Variants in MPPED2 observed in about 807,000 individuals in gnomAD.
MPPED2 encodes the protein metallophosphoesterase MPPED2.
A neutral mutation model predicts 33.0 loss-of-function variants in MPPED2; 5 were observed. The ratio of observed to expected loss-of-function variants is 0.15; its 90% CI spans 0.08 to 0.32. The LOEUF (loss-of-function observed/expected upper bound fraction) is 0.32. MPPED2 is among the 10% of genes least tolerant of loss of function. MPPED2 has a pLI of 1.00. For missense variants in MPPED2, 275 were observed against 372.1 expected, an observed-to-expected ratio of 0.74 and a Z score of 2.15; for synonymous variants, 136 against 141.9, an observed-to-expected ratio of 0.96 and a Z score of 0.29.
At chr11:30,578,110 G>C (rs1332875586) in intron 2 of MPPED2, among the ~76,000 whole-genome samples, 1 of 152,150 alleles carries the variant, frequency 6.6e-6, no homozygotes, top group African/African-American at 2.4e-5. Context: ...TGATCATTTT[G>C]GATTGGAAAC....
chr11:30,384,180 G>A (rs1458967673), downstream of MPPED2, among the ~76,000 whole-genome samples: 2 of 152,086 alleles, frequency 1.3e-5, no homozygotes, highest in African/African-American at 2.4e-5. Flanking sequence ...CCAATACACA[G>A]AGACATGTAA....
rs116146098 is a variant in MPPED2, at chr11:30,444,122, G to T, written c.537-26489C>A. On this transcript the variant is annotated intron_variant, in intron 4 of 6. Coordinates refer to ENST00000358117, the MANE Select transcript of MPPED2 (RefSeq NM_001584.3). Reference sequence around the variant, plus strand: ...GTCGATAAGCAAATGGCTATTCACTGGAAAAGCAAAAAAGAAGCCAAATGG... The same window carrying T: ...GTCGATAAGCAAATGGCTATTCACTTGAAAAGCAAAAAAGAAGCCAAATGG... Among the ~76,000 whole-genome samples the T allele has an allele frequency of 8.9e-3, 1,348 of 152,246 alleles. 35 individuals carry two copies. Among genetic ancestry groups the T allele is most frequent in the African/African-American group, 0.029 (1,184 of 41,542 alleles).
At chr11:30,582,462 G>A (rs547953940) in intron 1 of MPPED2, among the ~76,000 whole-genome samples, 10 of 152,266 alleles carry the variant, frequency 6.6e-5, no homozygotes, top group African/African-American at 2.2e-4. Context: ...TGAACATTAA[G>A]AAGCAAAGGA....
intron 4 of MPPED2, among the ~76,000 whole-genome samples, chr11:30,438,338 T>A (rs1949414258): frequency 6.6e-6 from 1 of 152,226 alleles, no homozygotes; most frequent in Non-Finnish European, 1.5e-5. Context: ...AGTTAATCCC[T>A]GCCACAGTCC....
intron 2 of MPPED2, among the ~76,000 whole-genome samples, chr11:30,551,487 G>A (rs1955711256): frequency 6.6e-6 from 1 of 152,132 alleles, no homozygotes; most frequent in Admixed American, 6.5e-5. Flanking sequence ...GTTTTCTCCT[G>A]ATTTCAAATA....
chr11:30,397,136 T>C (rs1298135016), intron 6 of MPPED2, among the ~76,000 whole-genome samples: 1 of 152,180 alleles, frequency 6.6e-6, no homozygotes, highest in Non-Finnish European at 1.5e-5. Context: ...TTATTTACTG[T>C]GAAATAAACT....
intron 4 of MPPED2, among the ~76,000 whole-genome samples, chr11:30,485,437 AACATTTACACATGTTACACAT>A: frequency 6.6e-6 from 1 of 152,352 alleles, no homozygotes; most frequent in African/African-American, 2.4e-5. Flanking sequence ...TAACATGTGT[AACATTTACACATGTTACACAT>A]AACATGTGTA....
At chr11:30,551,379 C>G (rs1955704563) in intron 2 of MPPED2, among the ~76,000 whole-genome samples, 1 of 152,184 alleles carries the variant, frequency 6.6e-6, no homozygotes, top group Non-Finnish European at 1.5e-5. Context: ...CATGAGGCCT[C>G]TGTTATAAGA....
intron 4 of MPPED2, among the ~76,000 whole-genome samples, chr11:30,471,010 G>C (rs1183510716): frequency 6.6e-6 from 1 of 152,066 alleles, no homozygotes; most frequent in African/African-American, 2.4e-5. Flanking sequence ...TCACAATAGG[G>C]CTCCTTGGAA....
At chr11:30,528,225 T>C (rs1954311466) in intron 3 of MPPED2, among the ~76,000 whole-genome samples, 1 of 152,142 alleles carries the variant, frequency 6.6e-6, no homozygotes, top group Non-Finnish European at 1.5e-5. Context: ...ATAGGATATA[T>C]TGGCAATTTT....
chr11:30,495,381 T>C lies in MPPED2; in HGVS notation c.451A>G (p.Asn151Asp). ...CTGTTTGTCAGGAGGGACTGAACAT[T>C]GTCAAAGTCCTCTGGTTTCAATTTG... ...VSKLKPEDFD[N>D]VQSLLTNSIY... The change falls in exon 4 of 7, where the codon AAT becomes GAT. Residue 151 changes from asparagine (N) to aspartate (D), a missense_variant. Transcript: ENST00000358117. 1 of 1,614,128 alleles carries C rather than the reference T, an allele frequency of 6.2e-7. No homozygotes were observed.
chr11:30,523,593 G>A (rs182611203), intron 3 of MPPED2, among the ~76,000 whole-genome samples: 299 of 151,832 alleles, frequency 2.0e-3, no homozygotes, highest in African/African-American at 6.9e-3. Context: ...TAGAAAAGAG[G>A]GGGCTGAAGC....
At chr11:30,450,482 T>A (rs555105604) in intron 4 of MPPED2, among the ~76,000 whole-genome samples, 2 of 152,352 alleles carry the variant, frequency 1.3e-5, no homozygotes, top group South Asian at 4.1e-4. Flanking sequence ...ATTTTACAGA[T>A]GAAGATCTCA....
intron 3 of MPPED2, among the ~76,000 whole-genome samples, chr11:30,517,867 A>G (rs1432017179): frequency 4.6e-5 from 7 of 152,144 alleles, no homozygotes. Flanking sequence ...TAAGAAATAA[A>G]ACCCTTCTTA....
intron 2 of MPPED2, among the ~76,000 whole-genome samples, chr11:30,559,452 G>C (rs1317454149): frequency 3.3e-5 from 5 of 152,102 alleles, no homozygotes; most frequent in Admixed American, 3.3e-4. Flanking sequence ...ATTTTGCTTT[G>C]TGGAAATTTA....
chr11:30,438,139 T>G (rs1336705124), intron 4 of MPPED2, among the ~76,000 whole-genome samples: 1 of 152,138 alleles, frequency 6.6e-6, no homozygotes, highest in Admixed American at 6.5e-5. Flanking sequence ...ATGAACAAAG[T>G]ATATTGAGCC....
chr11:30,509,112 C>T (rs1455912797), intron 3 of MPPED2, among the ~76,000 whole-genome samples: 1 of 152,138 alleles, frequency 6.6e-6, no homozygotes, highest in Non-Finnish European at 1.5e-5. Context: ...CAATTATATA[C>T]ATCACAAAGT....
chr11:30,395,366 G>C (rs1286886958), intron 6 of MPPED2, among the ~76,000 whole-genome samples: 1 of 152,078 alleles, frequency 6.6e-6, no homozygotes, highest in Admixed American at 6.6e-5. Flanking sequence ...ACATACCCAA[G>C]CCTACTTAGT....
At chr11:30,428,045 G>A (rs573990891) in intron 4 of MPPED2, among the ~76,000 whole-genome samples, 2 of 152,100 alleles carry the variant, frequency 1.3e-5, no homozygotes, top group Non-Finnish European at 2.9e-5. Context: ...AAATTAGTGG[G>A]TGTGGGGACT....
Sources: gnomAD v4.1 joint callset for allele counts (sites outside exome capture counted in the v4.1 genomes callset) on GRCh38, gnomAD v4.1.1 for gene constraint, MANE v1.5 for transcripts, NCBI Gene and HGNC (gene_info 2026-07-23, HGNC 2026-07-21) for gene names.